Variants in GRK3 observed in about 807,000 individuals in gnomAD.
GRK3 encodes the protein G protein-coupled receptor kinase 3.
GRK3 carries 54 observed loss-of-function variants against 95.7 expected under a neutral mutation model. That is an observed-to-expected ratio of 0.56 (90% CI 0.45 to 0.71). The LOEUF (loss-of-function observed/expected upper bound fraction) is 0.71. GRK3 is among the 30% of genes least tolerant of loss of function. The pLI is 0.00. For missense variants in GRK3, 649 were observed against 851.2 expected (o/e 0.76, Z 2.96); for synonymous variants, 281 against 290.8 (o/e 0.97, Z 0.34).
chr22:25,687,175 T>C (rs1020478515), intron 10 of GRK3, among the ~76,000 whole-genome samples: 2 of 152,012 alleles, frequency 1.3e-5, no homozygotes, highest in African/African-American at 2.4e-5. Context: ...TAGAGCCAGT[T>C]GCTAAGCTGT....
chr22:25,618,129 A>G (rs1388877113), intron 2 of GRK3, among the ~76,000 whole-genome samples: 1 of 152,152 alleles, frequency 6.6e-6, no homozygotes, highest in Non-Finnish European at 1.5e-5. Context: ...AACACAGTTC[A>G]CTTATCTGTG....
At chr22:25,704,453 A>G (rs2085284042) in intron 15 of GRK3, among the ~76,000 whole-genome samples, 1 of 152,218 alleles carries the variant, frequency 6.6e-6, no homozygotes, top group Non-Finnish European at 1.5e-5. Flanking sequence ...CCTGTCACCC[A>G]GGCTGTAGTG....
At chr22:25,619,606 C>T (rs1473336167) in intron 2 of GRK3, among the ~76,000 whole-genome samples, 5 of 151,550 alleles carry the variant, frequency 3.3e-5, no homozygotes, top group South Asian at 2.1e-4. Flanking sequence ...ATCTCAGCCT[C>T]CAGGGTAGCT....
chr22:25,722,275 G>A lies in GRK3; in HGVS notation c.1906-14G>A. 6.2e-7 allele frequency: 1 copy of A among 1,611,800 alleles called. No homozygotes were observed. Among genetic ancestry groups the A allele is most frequent in the Non-Finnish European group, 8.5e-7 (1 of 1,178,088 alleles). On this transcript the variant is annotated splice_polypyrimidine_tract_variant and intron_variant, in intron 20 of 20. Transcript: ENST00000324198. Reference sequence around the variant, plus strand: ...TGAGCCTGTCACAACGGCTGCCTTTGTATTCCCCCTCAGAGTGATCCAGAG... The same window carrying A: ...TGAGCCTGTCACAACGGCTGCCTTTATATTCCCCCTCAGAGTGATCCAGAG...
At chr22:25,642,549 G>A (rs766521764) in intron 2 of GRK3, among the ~76,000 whole-genome samples, 1 of 152,182 alleles carries the variant, frequency 6.6e-6, no homozygotes, top group Non-Finnish European at 1.5e-5. Context: ...ACATTGCATA[G>A]TGGTGAACTC....
In GRK3 at chr22:25,718,339, C is replaced by G. The variant is rs765297102; in HGVS notation, c.1749C>G (p.Leu583=). Reference sequence around the variant, plus strand: ...AGTGGCAGCGTCGCTATTTTTACCTCTTTCCAAATAGACTTGAATGGAGAG... The same window carrying G: ...AGTGGCAGCGTCGCTATTTTTACCTGTTTCCAAATAGACTTGAATGGAGAG... ...LTQWQRRYFY[L]FPNRLEWRGE... The change falls in exon 19 of 21, where the codon CTC becomes CTG. Residue 583 remains leucine, a synonymous_variant. Transcript: ENST00000324198. 6.2e-7 allele frequency: 1 copy of G among 1,614,014 alleles called. No homozygotes were observed. The highest frequency in any genetic ancestry group is 8.5e-7 in the Non-Finnish European group (1 of 1,180,014).
chr22:25,707,789 G>C (rs994369798), intron 15 of GRK3, among the ~76,000 whole-genome samples: 6 of 152,182 alleles, frequency 3.9e-5, no homozygotes, highest in Non-Finnish European at 8.8e-5. Flanking sequence ...TGTATGAAGT[G>C]GGATGGGGCT....
intron 3 of GRK3, among the ~76,000 whole-genome samples, chr22:25,645,764 A>G (rs143168418): frequency 0.022 from 3,388 of 152,180 alleles, 60 homozygotes; most frequent in Middle Eastern, 0.068. Context: ...CTACTAAAAT[A>G]CAAAAAATTA....
chr22:25,682,812 T>A (rs1008013953), intron 9 of GRK3, among the ~76,000 whole-genome samples: 1 of 152,212 alleles, frequency 6.6e-6, no homozygotes, highest in Non-Finnish European at 1.5e-5. Context: ...ATTCTAGAAA[T>A]CTCTTTGTGC....
chr22:25,679,010 C>A, intron 9 of GRK3, 95 bp downstream of exon 9: 1 of 816,142 alleles, frequency 1.2e-6, no homozygotes, highest in Non-Finnish European at 1.9e-6. Flanking sequence ...ATTGCAAGGC[C>A]AGTGAGTTCT....
chr22:25,642,167 T>G (rs1161533979), intron 2 of GRK3, among the ~76,000 whole-genome samples: 1 of 152,230 alleles, frequency 6.6e-6, no homozygotes, highest in Non-Finnish European at 1.5e-5. Context: ...GCGCGGTGGC[T>G]CACGCCTGTA....
At chr22:25,678,777 A>AT in intron 8 of GRK3, 39 bp from the exon 9 acceptor site, 1 of 1,264,564 alleles carries the variant, frequency 7.9e-7, no homozygotes, top group Non-Finnish European at 1.1e-6. Context: ...GTCTAGATAT[A>AT]TTTACGGCAT....
At chr22:25,569,191 A>G (rs1569147238) in intron 1 of GRK3, among the ~76,000 whole-genome samples, 1 of 152,250 alleles carries the variant, frequency 6.6e-6, no homozygotes, top group African/African-American at 2.4e-5. Flanking sequence ...GAAAGAAAGT[A>G]TTCCTTATTA....
chr22:25,688,040 T>G (rs575448958), intron 11 of GRK3, among the ~76,000 whole-genome samples: 3 of 152,178 alleles, frequency 2.0e-5, no homozygotes, highest in Admixed American at 6.5e-5. Context: ...ATCAAGGCCA[T>G]CCTGGCTAAC....
intron 15 of GRK3, among the ~76,000 whole-genome samples, chr22:25,705,806 C>T (rs945414571): frequency 6.6e-6 from 1 of 152,184 alleles, no homozygotes; most frequent in Admixed American, 6.5e-5. Flanking sequence ...TTCCCTGCCT[C>T]CTGCTATATT....
intron 1 of GRK3, among the ~76,000 whole-genome samples, chr22:25,578,289 C>T (rs1931978561): frequency 6.6e-6 from 1 of 151,758 alleles, no homozygotes; most frequent in African/African-American, 2.4e-5. Context: ...CCTGTTGTAT[C>T]AGAAAAAAAA....
At chr22:25,719,145 A>G (rs1247224869) in intron 19 of GRK3, among the ~76,000 whole-genome samples, 1 of 152,076 alleles carries the variant, frequency 6.6e-6, no homozygotes, top group African/African-American at 2.4e-5. Context: ...GTGGATACTA[A>G]GGGATGACTG....
intron 1 of GRK3, among the ~76,000 whole-genome samples, chr22:25,599,726 TC>T (rs1446226389): frequency 6.6e-6 from 1 of 152,168 alleles, no homozygotes; most frequent in Non-Finnish European, 1.5e-5. Flanking sequence ...AATAGCCAGT[TC>T]ACTACAGAAG....
chr22:25,672,986 T>C (rs960756951), intron 7 of GRK3, among the ~76,000 whole-genome samples: 2 of 151,622 alleles, frequency 1.3e-5, no homozygotes, highest in Non-Finnish European at 2.9e-5. Flanking sequence ...AGGCTTGCAA[T>C]TGGGCAAAAC....
Sources: allele counts gnomAD v4.1 joint callset (sites outside exome capture counted in the v4.1 genomes callset), GRCh38; gene constraint gnomAD v4.1.1; transcripts MANE v1.5; gene names NCBI Gene and HGNC (gene_info 2026-07-23, HGNC 2026-07-21).